OAS1: variants seen among roughly 807,000 people sequenced by gnomAD.
OAS1 encodes the protein 2'-5'-oligoadenylate synthase 1.
In OAS1, 24 loss-of-function variants were observed where a neutral mutation model predicts 38.5. The observed-to-expected ratio is 0.62, with a 90% CI of 0.45 to 0.88. The LOEUF (loss-of-function observed/expected upper bound fraction) is 0.88. OAS1 is among the 40% of genes least tolerant of loss of function. OAS1 has a pLI of 0.00. For missense variants in OAS1, 482 were observed against 493.9 expected (o/e 0.98, Z 0.23); for synonymous variants, 169 against 193.9 (o/e 0.87, Z 1.07).
intron 6 of OAS1, among the ~76,000 whole-genome samples, chr12:112,926,191 T>G (rs2043557040): frequency 6.6e-6 from 1 of 152,194 alleles, no homozygotes; most frequent in South Asian, 2.1e-4. Flanking sequence ...CTCACTATTG[T>G]GCCCAGGCTG....
At chr12:112,922,326 A>G (rs1019315123), downstream of OAS1, among the ~76,000 whole-genome samples, 2 of 152,126 alleles carry the variant, frequency 1.3e-5, no homozygotes, top group Non-Finnish European at 2.9e-5. Context: ...TTTTATTGGA[A>G]TGGCTCCCCT....
chr12:112,914,396 T>C (rs1304638057), intron 3 of OAS1, among the ~76,000 whole-genome samples: 2 of 152,244 alleles, frequency 1.3e-5, no homozygotes, highest in African/African-American at 4.8e-5. Flanking sequence ...TGTGCTGTTA[T>C]AAACATGTGT....
At chr12:112,925,122 C>T (rs1189225258) in intron 6 of OAS1, among the ~76,000 whole-genome samples, 1 of 152,138 alleles carries the variant, frequency 6.6e-6, no homozygotes, top group South Asian at 2.1e-4. Context: ...AATTAGGGCA[C>T]AGCTGGAAGT....
intron 6 of OAS1, among the ~76,000 whole-genome samples, chr12:112,926,591 C>T (rs2043559862): frequency 6.6e-6 from 1 of 151,900 alleles, no homozygotes; most frequent in African/African-American, 2.4e-5. Context: ...GGGTGTGGGT[C>T]ACAGAGAACA....
chr12:112,927,284 A>G (rs185737961), intron 6 of OAS1, among the ~76,000 whole-genome samples: 1 of 152,308 alleles, frequency 6.6e-6, no homozygotes, highest in African/African-American at 2.4e-5. Flanking sequence ...AATCTTCACA[A>G]TTTATGTTCT....
At chr12:112,916,928 AC>A in intron 4 of OAS1, 190 bp downstream of exon 4, 1 of 576,334 alleles carries the variant, frequency 1.7e-6, no homozygotes, top group African/African-American at 1.9e-5. Flanking sequence ...TGAGGCAGGC[AC>A]TATGCCAATT....
chr12:112,928,023 C>T (rs7316586), intron 6 of OAS1, among the ~76,000 whole-genome samples: 113,178 of 152,146 alleles, frequency 0.74, 43,395 homozygotes, highest in African/African-American at 0.94. Context: ...GTGCTGACCA[C>T]AGGCAAACCC....
chr12:112,908,241 G>T (rs1212913824), intron 1 of OAS1, among the ~76,000 whole-genome samples: 2 of 152,176 alleles, frequency 1.3e-5, no homozygotes, highest in Non-Finnish European at 2.9e-5. Context: ...AATGGGAAAA[G>T]AACACAGATC....
Position 112,919,567 on chromosome 12 carries a change from T to G in OAS1, c.*14T>G. ...ACCATCCTCTGAATGCCAGTGCATC[T>G]TGGGGGAAAGGGCTCCAGTGTTATC... On this transcript the variant is annotated 3_prime_UTR_variant, in exon 6 of 6. Coordinates refer to ENST00000202917, the MANE Select transcript of OAS1 (RefSeq NM_016816.4). 1.2e-6 allele frequency: 2 copies of G among 1,614,184 alleles called. No individual in the cohort carries two copies. The highest frequency in any genetic ancestry group is 1.7e-6 in the Non-Finnish European group (2 of 1,180,030).
At chr12:112,914,131 T>C (rs893113928) in intron 3 of OAS1, among the ~76,000 whole-genome samples, 2 of 152,174 alleles carry the variant, frequency 1.3e-5, no homozygotes, top group African/African-American at 4.8e-5. Context: ...TGTATCATTC[T>C]TATGCCTTTG....
intron 3 of OAS1, 71 bp from the exon 4 acceptor site, chr12:112,916,438 C>T: frequency 8.6e-7 from 1 of 1,158,488 alleles, no homozygotes; most frequent in Non-Finnish European, 1.3e-6. Flanking sequence ...CTGGATTTGG[C>T]CCATGAGAAG....
At chr12:112,931,369 A>G (rs1408181497) in intron 6 of OAS1, among the ~76,000 whole-genome samples, 2 of 152,188 alleles carry the variant, frequency 1.3e-5, no homozygotes, top group Non-Finnish European at 2.9e-5. Flanking sequence ...TAGCTCTACC[A>G]ATTTCCAGCT....
Position 112,911,239 on chromosome 12 carries a change from T to C in OAS1, c.654+4T>C, listed in dbSNP as rs975895017. 4.4e-6 allele frequency: 7 copies of C among 1,576,454 alleles called. No individual in the cohort carries two copies. In the African/African-American group the frequency reaches 7.1e-5, roughly 16 times the overall value. ...AGTCAAGCACTGGTACCAAAATGTA[T>C]GGCCCTCCCACCAGGCCTGGTGGGT... is the stretch of plus-strand genomic sequence containing the variant. On this transcript the variant is annotated splice_donor_region_variant and intron_variant, in intron 3 of 5. Coordinates refer to ENST00000202917, the MANE Select transcript of OAS1 (RefSeq NM_016816.4).
intron 5 of OAS1, 143 bp downstream of exon 5, chr12:112,917,843 A>C: frequency 6.4e-7 from 1 of 1,568,514 alleles, no homozygotes; most frequent in Non-Finnish European, 8.6e-7. Context: ...GCTGTGCTCC[A>C]TATTTTACAG....
chr12:112,915,041 G>T (rs1212254283), intron 3 of OAS1, among the ~76,000 whole-genome samples: 4 of 152,012 alleles, frequency 2.6e-5, no homozygotes, highest in Non-Finnish European at 5.9e-5. Context: ...TGTATAGATT[G>T]TGAAGATTTT....
At chr12:112,927,424 A>G (rs537451192) in intron 6 of OAS1, among the ~76,000 whole-genome samples, 1 of 151,948 alleles carries the variant, frequency 6.6e-6, no homozygotes, top group South Asian at 2.1e-4. Context: ...TCTTCGGTGG[A>G]TTTAAGAAGT....
At chr12:112,907,813 T>A (rs2043316966) in intron 1 of OAS1, 2 of 152,358 alleles carry the variant, frequency 1.3e-5, no homozygotes, top group South Asian at 4.1e-4. Context: ...GAGCAAAAGT[T>A]CAGTAAGCAA....
rs1303997199 is a variant in OAS1 at position 112,908,541 on chromosome 12, C to T, written c.186C>T (p.Gly62=). 3 of 1,605,382 alleles carry T rather than the reference C, an allele frequency of 1.9e-6. No individual in the cohort carries two copies. The highest frequency in any genetic ancestry group is 2.2e-5 in the South Asian group (2 of 90,044). Residue 62 remains glycine (G), a synonymous_variant, in exon 2 of 6, where the codon GGC becomes GGT. Transcript: ENST00000202917. The stretch of plus-strand genomic sequence containing the variant: ...ATTTTTGTCGTCTTTTTCAGGGTGG[C>T]TCCTCAGGCAAGGGCACCACCCTCA... ...PVCVSKVVKG[G]SSGKGTTLRG... is the part of the protein sequence containing the mutation.
At chr12:112,925,326 C>T (rs1167919698) in intron 6 of OAS1, among the ~76,000 whole-genome samples, 2 of 152,138 alleles carry the variant, frequency 1.3e-5, no homozygotes, top group African/African-American at 4.8e-5. Flanking sequence ...CCTTGCACAC[C>T]CCTCACGCCT....
Sources: allele counts gnomAD v4.1 joint callset (sites outside exome capture counted in the v4.1 genomes callset), GRCh38; gene constraint gnomAD v4.1.1; transcripts MANE v1.5; gene names NCBI Gene and HGNC (gene_info 2026-07-23, HGNC 2026-07-21).